Variants in CALHM6 observed in about 807,000 individuals in gnomAD.
CALHM6 encodes the protein calcium homeostasis modulator family member 6, also known as calcium homeostasis modulator protein 6.
A neutral mutation model predicts 12.7 loss-of-function variants in CALHM6; 15 were observed. The ratio of observed to expected loss-of-function variants is 1.18; its 90% CI spans 0.79 to 1.82. CALHM6 has a LOEUF of 1.82. Ranked by LOEUF, CALHM6 falls within the 40% of genes most tolerant of loss-of-function variation. The probability of loss-of-function intolerance (pLI) is 0.00; values close to 1 mark genes in which losing one functional copy is unlikely to be tolerated. For missense variants in CALHM6, 434 were observed against 421.0 expected (o/e 1.03, Z -0.27); for synonymous variants, 212 against 193.7 (o/e 1.09, Z -0.78).
chr6:116,462,566 A>G (rs188970565), intron 2 of CALHM6, 112 bp downstream of exon 2: 13 of 611,582 alleles, frequency 2.1e-5, no homozygotes, highest in African/African-American at 2.0e-4. Context: ...CAGTACCCTA[A>G]GAAAATCTAG....
Position 116,461,990 on chromosome 6 carries a change from G to A in CALHM6, c.61G>A (p.Gly21Ser). 1.9e-6 allele frequency: 3 copies of A among 1,548,270 alleles called. No individual in the cohort carries two copies. The highest frequency in any genetic ancestry group is 1.2e-5 in the South Asian group (1 of 83,778). Residue 21 changes from glycine to serine, a missense_variant, in exon 2 of 3, where the codon GGC (glycine) becomes AGC (serine). Coordinates refer to ENST00000368605, the MANE Select transcript of CALHM6 (RefSeq NM_001010919.3). The stretch of plus-strand genomic sequence containing the variant: ...CAAGCACCACAGCGCCTTGGGCTAC[G>A]GCCTGGTGACCCTGCTGACGGCGGG... ...HVKHHSALGYGLVTLLTAGGE... is the reference protein window; with the variant it reads ...HVKHHSALGYSLVTLLTAGGE...
intron 1 of CALHM6, among the ~76,000 whole-genome samples, 180 bp downstream of exon 1, chr6:116,461,609 C>A (rs1562325956): frequency 6.6e-6 from 1 of 151,870 alleles, no homozygotes; most frequent in Admixed American, 6.6e-5. Context: ...CAAGGTCAAC[C>A]TTCTGTCAGA....
chr6:116,461,755 T>C (rs1175426986), intron 1 of CALHM6, 117 bp from the exon 2 acceptor site: 1 of 790,628 alleles, frequency 1.3e-6, no homozygotes, highest in Non-Finnish European at 1.8e-6. Context: ...AATGAGAAAG[T>C]GAAACTTTAG....
chr6:116,461,549 CAAG>C, intron 1 of CALHM6, 120 bp downstream of exon 1: 4 of 958,566 alleles, frequency 4.2e-6, no homozygotes, highest in South Asian at 1.4e-5. Context: ...GGCCGTGGGT[CAAG>C]AAGGTTAGTT....
At position 116,462,462 on chromosome 6, in the gene CALHM6, G is replaced by A; in HGVS notation, c.525+8G>A. On this transcript the variant is annotated splice_region_variant and intron_variant, in intron 2 of 2. Transcript: ENST00000368605. ...CTGAAGGCTCAGTCGCAGGTCTGCC[G>A]CTGGCGCTGGGGGCGTTTGGGAGGA... 2 of 1,489,188 alleles carry A rather than the reference G, an allele frequency of 1.3e-6. No individual in the cohort carries two copies. Among genetic ancestry groups the A allele is most frequent in the Non-Finnish European group, 1.8e-6 (2 of 1,117,544 alleles). The allele number at this position is 1,489,188 out of a possible 1,614,324, so 92.2% of individuals were successfully genotyped here.
At position 116,463,674 on chromosome 6, in the gene CALHM6, C is replaced by G. The variant is rs374973946; in HGVS notation, c.917C>G (p.Ser306Ter). 37 of 1,611,912 alleles carry G rather than the reference C, an allele frequency of 2.3e-5. No individual in the cohort carries two copies. Among genetic ancestry groups the G allele is most frequent in the Non-Finnish European group, 3.0e-5 (35 of 1,179,182 alleles). ...ATTCCTGTTCTTGGCTTTGTAGATT[C>G]ATCTGGTATAAACAGCACTCCTGAG... is the stretch of plus-strand genomic sequence containing the variant. ...TVIPVLGFVD[S>*]SGINSTPEL Residue 306 changes from serine (S) to a stop codon, truncating the protein, a stop_gained, in exon 3 of 3, where the codon TCA becomes TGA. Transcript: ENST00000368605. LOFTEE classifies it low-confidence loss of function (END_TRUNC).
Position 116,462,154 on chromosome 6 carries a change from G to A in CALHM6, c.225G>A (p.Trp75Ter), listed in dbSNP as rs192974599. Residue 75 changes from tryptophan (W) to a stop codon, truncating the protein, a stop_gained, in exon 2 of 3, where the codon TGG (tryptophan) becomes TGA (stop). Transcript: ENST00000368605. LOFTEE classifies it high-confidence loss of function. ...GCTACGTGCTGAGCGCACGCACGTGGCGCCTGCTCACCGGATGCTGCTCCA... is the reference window on the plus strand; with the variant it reads ...GCTACGTGCTGAGCGCACGCACGTGACGCCTGCTCACCGGATGCTGCTCCA... ...LLGYVLSART[W>*]RLLTGCCSSA... 365 of 1,529,584 alleles carry A rather than the reference G, an allele frequency of 2.4e-4. 1 individual carries two copies. In the East Asian group the frequency reaches 8.8e-3, roughly 37 times the overall value. The allele number at this position is 1,529,584 out of a possible 1,614,324, so 94.8% of individuals were successfully genotyped here. A position where few individuals can be genotyped will look rare whatever the true frequency, so the allele number is the denominator to read the frequency against.
In CALHM6 at chr6:116,463,576, C is replaced by T. The variant is rs1319601210; in HGVS notation, c.819C>T (p.Tyr273=). 1.2e-6 allele frequency: 2 copies of T among 1,614,012 alleles called. No homozygotes were observed. The highest frequency in any genetic ancestry group is 1.7e-5 in the Admixed American group (1 of 59,998). The change falls in exon 3 of 3, where the codon TAC becomes TAT. Residue 273 remains tyrosine, a synonymous_variant. Transcript: ENST00000368605. ...CTTTCAATCCGAAGGGCCAGTACTA[C>T]AGCATGTTGCACAAATATGTCAACA... ...LYTFNPKGQY[Y]SMLHKYVNRK...
rs1004851611 is a variant in CALHM6 at position 116,461,951 on chromosome 6, C to T, written c.22C>T (p.Leu8=). 27 of 1,538,200 alleles carry T rather than the reference C, an allele frequency of 1.8e-5. No individual in the cohort carries two copies. The highest frequency in any genetic ancestry group is 2.4e-5 in the Non-Finnish European group (27 of 1,139,236). MEKFRAV[L]DLHVKHHSAL... ...GCTCATGGAGAAGTTTCGGGCGGTG[C>T]TGGACCTGCACGTCAAGCACCACAG... The change falls in exon 2 of 3, where the codon CTG becomes TTG. Residue 8 remains leucine (L), a synonymous_variant. Coordinates refer to ENST00000368605, the MANE Select transcript of CALHM6 (RefSeq NM_001010919.3).
chr6:116,463,220 G>A, intron 2 of CALHM6, 63 bp from the exon 3 acceptor site: 1 of 1,485,486 alleles, frequency 6.7e-7, no homozygotes, highest in Non-Finnish European at 9.1e-7. Context: ...TTTATCTGAG[G>A]ATTTTTAAAT....
At position 116,463,616 on chromosome 6, in the gene CALHM6, CACAGTA is replaced by C; in HGVS notation, c.860_865del (p.His287_Ile289delinsLeu). 6.2e-7 allele frequency: 1 copy of C among 1,614,060 alleles called. No homozygotes were observed. Among genetic ancestry groups the C allele is most frequent in the South Asian group, 1.1e-5 (1 of 91,084 alleles). On this transcript the variant is annotated inframe_deletion, in exon 3 of 3. Transcript: ENST00000368605. ...ATATGTCAACAGAAAAGAGAAGACTCACAGTATCAGGTCTACTGAAGGAGATACGGT... is the reference window on the plus strand; with the variant it reads ...ATATGTCAACAGAAAAGAGAAGACTCTCAGGTCTACTGAAGGAGATACGGT...
chr6:116,461,502 G>A (rs1784767852), intron 1 of CALHM6, 73 bp downstream of exon 1: 1 of 1,399,442 alleles, frequency 7.1e-7, no homozygotes, highest in Admixed American at 2.0e-5. Context: ...GGCTGCAATA[G>A]AGGAAAATCT....
Position 116,462,343 on chromosome 6 carries a change from G to A in CALHM6, c.414G>A (p.Leu138=). ...ATGSAAFAQR[L]CLGRNRSCAA... Reference sequence around the variant, plus strand: ...GGAGCGCGGCCTTCGCGCAGCGCCTGTGCCTCGGCCGCAACCGCAGCTGCG... The same window carrying A: ...GGAGCGCGGCCTTCGCGCAGCGCCTATGCCTCGGCCGCAACCGCAGCTGCG... Residue 138 remains leucine, a synonymous_variant, in exon 2 of 3, where the codon CTG becomes CTA. Coordinates refer to ENST00000368605, the MANE Select transcript of CALHM6 (RefSeq NM_001010919.3). 1 of 1,453,910 alleles carries A rather than the reference G, an allele frequency of 6.9e-7. No homozygotes were observed. The highest frequency in any genetic ancestry group is 1.5e-5 in the African/African-American group (1 of 67,416). The allele number at this position is 1,453,910 out of a possible 1,614,324, so 90.1% of individuals were successfully genotyped here.
rs1784829135 is a variant in CALHM6, at chr6:116,463,585, G to C, written c.828G>C (p.Leu276Phe). 3.7e-6 allele frequency: 6 copies of C among 1,614,122 alleles called. No homozygotes were observed. Among genetic ancestry groups the C allele is most frequent in the Non-Finnish European group, 5.1e-6 (6 of 1,180,022 alleles). ...CGAAGGGCCAGTACTACAGCATGTT[G>C]CACAAATATGTCAACAGAAAAGAGA... ...FNPKGQYYSM[L>F]HKYVNRKEKT... The change falls in exon 3 of 3, where the codon TTG becomes TTC. Residue 276 changes from leucine to phenylalanine, a missense_variant. Leu to Phe is a conservative substitution (Grantham distance 22). Transcript: ENST00000368605.
chr6:116,462,080 T>C lies in CALHM6; in HGVS notation c.151T>C (p.Tyr51His). ...GTGCAGCGCCGCCTGGAACCTGCCC[T>C]ACGGCCTGGTCTTCTTGCTGGTGCC... is the stretch of plus-strand genomic sequence containing the variant. Reference protein sequence around the residue: ...CPCSAAWNLPYGLVFLLVPAL... With the variant: ...CPCSAAWNLPHGLVFLLVPAL... Residue 51 changes from tyrosine (Y) to histidine (H), a missense_variant, in exon 2 of 3, where the codon TAC (tyrosine) becomes CAC (histidine). Transcript: ENST00000368605. 3 of 1,547,144 alleles carry C rather than the reference T, an allele frequency of 1.9e-6. No homozygotes were observed. Among genetic ancestry groups the C allele is most frequent in the Non-Finnish European group, 1.7e-6 (2 of 1,146,354 alleles).
chr6:116,462,513 C>A, intron 2 of CALHM6, 59 bp downstream of exon 2: 1 of 1,285,534 alleles, frequency 7.8e-7, no homozygotes, highest in Admixed American at 3.2e-5. Flanking sequence ...TTTCTCAGGG[C>A]CGCTGGGGTG....
chr6:116,462,660 C>T (rs535196241), intron 2 of CALHM6: 134 of 481,148 alleles, frequency 2.8e-4, no homozygotes, highest in African/African-American at 2.5e-3. Context: ...CCCGTAGTAT[C>T]TGGCACTGTA....
In CALHM6 at chr6:116,462,416, G is replaced by A; in HGVS notation, c.487G>A (p.Val163Met). The A allele has an allele frequency of 3.3e-6, 5 of 1,500,754 alleles. No homozygotes were observed. Among genetic ancestry groups the A allele is most frequent in the Non-Finnish European group, 4.4e-6 (5 of 1,125,780 alleles). 93.0% of individuals were successfully genotyped at this position (1,500,754 alleles called of 1,614,324 possible). Reference protein sequence around the residue: ...VPCNQAKASDVQDLLKDLKAQ... With the variant: ...VPCNQAKASDMQDLLKDLKAQ... The stretch of plus-strand genomic sequence containing the variant: ...GTGCAACCAGGCCAAGGCGTCGGAC[G>A]TGCAGGACCTCCTGAAGGATCTGAA... The change falls in exon 2 of 3, where the codon GTG (valine) becomes ATG (methionine). Residue 163 changes from valine to methionine, a missense_variant. By Grantham distance (21) the Val-to-Met change is conservative. Coordinates refer to ENST00000368605, the MANE Select transcript of CALHM6 (RefSeq NM_001010919.3).
chr6:116,461,792 T>TAAGAAA, intron 1 of CALHM6, 80 bp from the exon 2 acceptor site: 1 of 745,760 alleles, frequency 1.3e-6, no homozygotes, highest in Non-Finnish European at 1.8e-6. Context: ...CTCTTCCCTT[T>TAAGAAA]AAAAAAAAAA....
Sources: allele counts gnomAD v4.1 joint callset (sites outside exome capture counted in the v4.1 genomes callset), GRCh38; gene constraint gnomAD v4.1.1; transcripts MANE v1.5; gene names NCBI Gene and HGNC (gene_info 2026-07-23, HGNC 2026-07-21).